The following DLGAP2 variants were observed in gnomAD, a reference collection of about 807,000 sequenced individuals.
DLGAP2 encodes the protein disks large-associated protein 2.
In DLGAP2, 26 loss-of-function variants were observed where a neutral mutation model predicts 100.3. The ratio of observed to expected loss-of-function variants is 0.26; its 90% CI spans 0.19 to 0.36. DLGAP2 has a LOEUF of 0.36. Ranked by LOEUF, DLGAP2 falls within the 10% of genes least tolerant of loss-of-function variation. The pLI, the probability that DLGAP2 is intolerant of heterozygous loss-of-function variation, is 1.00. For synonymous variants in DLGAP2, 886 were observed against 630.1 expected, an observed-to-expected ratio of 1.41 and a Z score of -6.08; for missense variants, 1,858 against 1,453.2, an observed-to-expected ratio of 1.28 and a Z score of -4.53.
At chr8:1,057,908 ATCCT>A (rs1179110527) in intron 2 of DLGAP2, among the ~76,000 whole-genome samples, 1 of 152,246 alleles carries the variant, frequency 6.6e-6, no homozygotes, top group Non-Finnish European at 1.5e-5. Context: ...CAGTTCTTAA[ATCCT>A]TCATTTTACA....
At chr8:1,185,972 C>A (rs1022769060) in intron 2 of DLGAP2, among the ~76,000 whole-genome samples, 1 of 152,140 alleles carries the variant, frequency 6.6e-6, no homozygotes, top group African/African-American at 2.4e-5. Flanking sequence ...TCACCTCCCT[C>A]CAGGAAGTAT....
intron 12 of DLGAP2, among the ~76,000 whole-genome samples, chr8:1,681,820 C>A (rs988896485): frequency 6.6e-6 from 1 of 152,130 alleles, no homozygotes; most frequent in African/African-American, 2.4e-5. Flanking sequence ...GATCTTGCCC[C>A]AAATCACAGA....
intron 2 of DLGAP2, among the ~76,000 whole-genome samples, chr8:949,616 G>C (rs1799424929): frequency 1.3e-5 from 2 of 152,232 alleles, no homozygotes; most frequent in South Asian, 4.1e-4. Flanking sequence ...CCCCGCTGCA[G>C]CTTCCTCATT....
chr8:1,254,932 C>CCCTCTCCTGCCCGGGTGCTGTGTGTGTGT (rs1339565459), intron 2 of DLGAP2, among the ~76,000 whole-genome samples: 1 of 84,656 alleles, frequency 1.2e-5, no homozygotes, highest in African/African-American at 6.2e-5. Flanking sequence ...TGTGTGTGTG[C>CCCTCTCCTGCCCGGGTGCTGTGTGTGTGT]CCTCTCCTGC....
At chr8:1,658,253 G>A (rs937528979) in intron 8 of DLGAP2, among the ~76,000 whole-genome samples, 1 of 152,034 alleles carries the variant, frequency 6.6e-6, no homozygotes, top group African/African-American at 2.4e-5. Flanking sequence ...AAGCAAAAGC[G>A]AGCAGGAGAT....
intron 1 of DLGAP2, among the ~76,000 whole-genome samples, chr8:813,271 A>G (rs1474091327): frequency 6.6e-6 from 1 of 152,128 alleles, no homozygotes; most frequent in Admixed American, 6.5e-5. Context: ...AAACGAAAAA[A>G]AAACCAAAAT....
At chr8:1,633,847 G>A (rs572344038) in intron 8 of DLGAP2, among the ~76,000 whole-genome samples, 9 of 152,334 alleles carry the variant, frequency 5.9e-5, no homozygotes, top group Admixed American at 4.6e-4. Context: ...GGACAGCTCC[G>A]AGGGGAAATA....
intron 3 of DLGAP2, among the ~76,000 whole-genome samples, chr8:1,343,438 C>G (rs1218935705): frequency 6.6e-6 from 1 of 152,114 alleles, no homozygotes. Flanking sequence ...TTGGGGTGCC[C>G]AAGTGACTGA....
At chr8:1,219,262 A>T (rs931990414) in intron 2 of DLGAP2, among the ~76,000 whole-genome samples, 19 of 152,220 alleles carry the variant, frequency 1.2e-4, no homozygotes, top group Non-Finnish European at 2.6e-4. Flanking sequence ...TGGTTTTGTC[A>T]TAGATGGCTC....
intron 1 of DLGAP2, among the ~76,000 whole-genome samples, chr8:767,110 C>T (rs2132599729): frequency 6.6e-6 from 1 of 152,270 alleles, no homozygotes; most frequent in African/African-American, 2.4e-5. Context: ...GGGTGCATCT[C>T]CTCTTTTGAG....
intron 2 of DLGAP2, among the ~76,000 whole-genome samples, chr8:1,078,344 C>T (rs769108752): frequency 6.6e-6 from 1 of 152,210 alleles, no homozygotes; most frequent in Admixed American, 6.5e-5. Context: ...TTCCATTTCT[C>T]TGCTGTTAGC....
intron 1 of DLGAP2, among the ~76,000 whole-genome samples, chr8:848,808 A>G (rs1272820740): frequency 2.8e-5 from 4 of 140,966 alleles, no homozygotes; most frequent in African/African-American, 8.0e-5. Context: ...CCAGTGTAGG[A>G]ACGTGCCAGG....
intron 3 of DLGAP2, among the ~76,000 whole-genome samples, chr8:1,417,345 A>G (rs954506284): frequency 6.6e-6 from 1 of 151,924 alleles, no homozygotes; most frequent in Non-Finnish European, 1.5e-5. Flanking sequence ...CCGCATGTTC[A>G]TAGAAGCCCT....
At chr8:897,692 T>C (rs1162891713) in intron 1 of DLGAP2, among the ~76,000 whole-genome samples, 3 of 140,232 alleles carry the variant, frequency 2.1e-5, no homozygotes, top group East Asian at 2.4e-4. Flanking sequence ...CTCCCGCCCC[T>C]CCCCCTCCCC....
At chr8:1,651,840 G>A (rs918016279) in intron 8 of DLGAP2, among the ~76,000 whole-genome samples, 1 of 152,154 alleles carries the variant, frequency 6.6e-6, no homozygotes, top group African/African-American at 2.4e-5. Flanking sequence ...AGTGATGGAG[G>A]GACACAGTCT....
intron 3 of DLGAP2, among the ~76,000 whole-genome samples, chr8:1,366,776 C>T (rs112345812): frequency 2.2e-4 from 34 of 152,216 alleles, no homozygotes; most frequent in African/African-American, 7.2e-4. Flanking sequence ...GTCTCGGGTC[C>T]CCGCAGCACG....
At chr8:1,430,776 G>C (rs1019789009) in intron 3 of DLGAP2, among the ~76,000 whole-genome samples, 10 of 152,170 alleles carry the variant, frequency 6.6e-5, no homozygotes, top group Admixed American at 2.0e-4. Context: ...AAGATGAACA[G>C]TTATTGAAAC....
intron 3 of DLGAP2, among the ~76,000 whole-genome samples, chr8:1,312,072 G>T (rs1304821984): frequency 2.0e-5 from 3 of 152,178 alleles, no homozygotes; most frequent in Non-Finnish European, 4.4e-5. Context: ...GACATCTGTA[G>T]GCTACTTCAT....
chr8:831,629 G>C (rs937846185), intron 1 of DLGAP2, among the ~76,000 whole-genome samples: 1 of 152,118 alleles, frequency 6.6e-6, no homozygotes. Context: ...TGGACATTTG[G>C]GTTGGTTCCA....
Sources: allele counts gnomAD v4.1 joint callset (sites outside exome capture counted in the v4.1 genomes callset), GRCh38; gene constraint gnomAD v4.1.1; transcripts MANE v1.5; gene names NCBI Gene and HGNC (gene_info 2026-07-23, HGNC 2026-07-21).